NDUFAF2: variants seen among roughly 807,000 people sequenced by gnomAD.
The protein encoded by NDUFAF2 is NADH dehydrogenase [ubiquinone] 1 alpha subcomplex assembly factor 2.
In NDUFAF2, 13 loss-of-function variants were observed where a neutral mutation model predicts 22.8. The ratio of observed to expected loss-of-function variants is 0.57; its 90% confidence interval spans 0.37 to 0.91. The LOEUF (loss-of-function observed/expected upper bound fraction) is 0.91, where lower values mean the gene tolerates loss of function less well. Ranked by LOEUF, NDUFAF2 falls within the 40% of genes least tolerant of loss-of-function variation. The pLI is 0.01. For missense variants in NDUFAF2, 162 were observed against 195.2 expected, an observed-to-expected ratio of 0.83 and a Z score of 1.01; for synonymous variants, 53 against 64.2, an observed-to-expected ratio of 0.83 and a Z score of 0.84.
At chr5:60,950,570 C>T (rs764283409) in intron 1 of NDUFAF2, among the ~76,000 whole-genome samples, 11 of 150,122 alleles carry the variant, frequency 7.3e-5, no homozygotes, top group Admixed American at 1.3e-4. Flanking sequence ...GTCTGTACCT[C>T]GTTTGCTGAG....
At chr5:60,964,769 A>G (rs980496848) in intron 1 of NDUFAF2, among the ~76,000 whole-genome samples, 4 of 152,076 alleles carry the variant, frequency 2.6e-5, no homozygotes, top group Admixed American at 6.5e-5. Flanking sequence ...GTTGATTACC[A>G]TTACCATGTT....
chr5:61,061,163 T>C (rs1003378286), intron 1 of NDUFAF2, among the ~76,000 whole-genome samples: 3 of 152,164 alleles, frequency 2.0e-5, no homozygotes, highest in Admixed American at 1.3e-4. Context: ...CTTGCGCAGC[T>C]TTCAAATGTG....
chr5:61,010,613 T>G (rs921406005), intron 1 of NDUFAF2, among the ~76,000 whole-genome samples: 14 of 152,252 alleles, frequency 9.2e-5, no homozygotes, highest in African/African-American at 3.1e-4. Flanking sequence ...TGTACTTGTC[T>G]TACCACTCTC....
intron 1 of NDUFAF2, among the ~76,000 whole-genome samples, chr5:61,011,621 T>C (rs939259000): frequency 2.0e-5 from 3 of 152,132 alleles, no homozygotes; most frequent in Non-Finnish European, 2.9e-5. Context: ...ATTTCATAGC[T>C]TCTGAACCTG....
At chr5:61,123,315 A>G (rs540457762) in intron 3 of NDUFAF2, among the ~76,000 whole-genome samples, 1 of 152,288 alleles carries the variant, frequency 6.6e-6, no homozygotes, top group Admixed American at 6.5e-5. Context: ...GTCGTCGTGC[A>G]AATATCAGAG....
At chr5:60,971,226 G>C (rs1750822892) in intron 1 of NDUFAF2, among the ~76,000 whole-genome samples, 1 of 150,202 alleles carries the variant, frequency 6.7e-6, no homozygotes, top group African/African-American at 2.4e-5. Flanking sequence ...CATGTGCCAT[G>C]TTGGTGTGCT....
chr5:61,077,493 AG>A (rs1752384178), intron 2 of NDUFAF2, among the ~76,000 whole-genome samples: 1 of 152,234 alleles, frequency 6.6e-6, no homozygotes, highest in African/African-American at 2.4e-5. Context: ...TAGAAAAAGA[AG>A]TATAGCAAGA....
At chr5:61,095,002 G>A (rs1419768451) in intron 2 of NDUFAF2, among the ~76,000 whole-genome samples, 1 of 152,210 alleles carries the variant, frequency 6.6e-6, no homozygotes, top group Non-Finnish European at 1.5e-5. Context: ...CAGCTGTGCT[G>A]TGCTGGGATA....
At chr5:61,110,250 T>C (rs923050877) in intron 3 of NDUFAF2, among the ~76,000 whole-genome samples, 1 of 151,932 alleles carries the variant, frequency 6.6e-6, no homozygotes. Context: ...TATTGGCCTA[T>C]AGTTTTCTTT....
chr5:61,102,958 C>T (rs1182073682), intron 3 of NDUFAF2, among the ~76,000 whole-genome samples: 1 of 152,098 alleles, frequency 6.6e-6, no homozygotes, highest in Non-Finnish European at 1.5e-5. Flanking sequence ...AGATTGACAA[C>T]AGCCATCACT....
At chr5:60,968,161 GTTTC>G (rs1204407381) in intron 1 of NDUFAF2, among the ~76,000 whole-genome samples, 1 of 151,626 alleles carries the variant, frequency 6.6e-6, no homozygotes, top group Non-Finnish European at 1.5e-5. Context: ...GATCCTTTGT[GTTTC>G]TTTCTGTAGT....
intron 1 of NDUFAF2, among the ~76,000 whole-genome samples, chr5:61,044,600 G>A (rs1306947221): frequency 2.6e-5 from 4 of 152,042 alleles, no homozygotes; most frequent in Admixed American, 6.6e-5. Flanking sequence ...CCCCATTGTG[G>A]ATTTTTGGCA....
At chr5:61,130,078 G>A (rs975940490) in intron 3 of NDUFAF2, among the ~76,000 whole-genome samples, 5 of 152,092 alleles carry the variant, frequency 3.3e-5, no homozygotes, top group African/African-American at 1.2e-4. Flanking sequence ...TTGCCAGAAT[G>A]CAAAGGAACC....
At chr5:61,037,758 A>G (rs967790398) in intron 1 of NDUFAF2, among the ~76,000 whole-genome samples, 3 of 152,088 alleles carry the variant, frequency 2.0e-5, no homozygotes, top group African/African-American at 7.2e-5. Context: ...TCTATAAAAC[A>G]TATCTTTGGA....
intron 3 of NDUFAF2, chr5:61,115,171 G>C (rs1198643341): frequency 6.6e-6 from 1 of 152,518 alleles, no homozygotes; most frequent in Non-Finnish European, 1.5e-5. Context: ...AAGCTAAGGA[G>C]TTCTCCCCAT....
chr5:60,945,566 C>A, intron 1 of NDUFAF2, 184 bp downstream of exon 1: 1 of 935,666 alleles, frequency 1.1e-6, no homozygotes, highest in Non-Finnish European at 1.6e-6. Context: ...CCTACCCGGC[C>A]CGGCTCTGGG....
chr5:61,111,965 C>T (rs1436919073), intron 3 of NDUFAF2, among the ~76,000 whole-genome samples: 1 of 151,862 alleles, frequency 6.6e-6, no homozygotes, highest in Non-Finnish European at 1.5e-5. Context: ...CTGCATGTTG[C>T]CCAGGCTGGT....
intron 2 of NDUFAF2, among the ~76,000 whole-genome samples, chr5:61,094,875 G>A (rs948940543): frequency 1.3e-5 from 2 of 152,038 alleles, no homozygotes; most frequent in Admixed American, 6.6e-5. Context: ...ACCTGTTGCC[G>A]GCCTGAATGC....
At chr5:61,008,010 C>G (rs1251820006) in intron 1 of NDUFAF2, among the ~76,000 whole-genome samples, 10 of 151,798 alleles carry the variant, frequency 6.6e-5, no homozygotes, top group East Asian at 1.9e-4. Context: ...TAGGGACATG[C>G]ATGAAATTGG....
Sources: allele counts gnomAD v4.1 joint callset (sites outside exome capture counted in the v4.1 genomes callset), GRCh38; gene constraint gnomAD v4.1.1; transcripts MANE v1.5; gene names NCBI Gene and HGNC (gene_info 2026-07-23, HGNC 2026-07-21).